Variants in GABRG3 observed in about 807,000 individuals in gnomAD.
GABRG3 encodes gamma-aminobutyric acid type A receptor subunit gamma3, also known as gamma-aminobutyric acid receptor subunit gamma-3.
Under a neutral mutation model 48.8 loss-of-function variants are expected in GABRG3, and 25 were observed. The ratio of observed to expected loss-of-function variants is 0.51; its 90% CI spans 0.37 to 0.72. GABRG3 has a LOEUF of 0.72. GABRG3 is among the 30% of genes least tolerant of loss of function. The probability of loss-of-function intolerance (pLI) is 0.00; values close to 1 mark genes in which losing one functional copy is unlikely to be tolerated. For missense variants in GABRG3, 394 were observed against 577.9 expected (o/e 0.68, Z 3.26); for synonymous variants, 227 against 217.6 (o/e 1.04, Z -0.38).
At chr15:27,437,307 C>T (rs1338421116) in intron 5 of GABRG3, among the ~76,000 whole-genome samples, 1 of 152,156 alleles carries the variant, frequency 6.6e-6, no homozygotes, top group Non-Finnish European at 1.5e-5. Flanking sequence ...AACCCCTAAA[C>T]ATGTCTCTAA....
chr15:27,433,202 C>T (rs935396573), intron 5 of GABRG3, among the ~76,000 whole-genome samples: 1 of 152,182 alleles, frequency 6.6e-6, no homozygotes, highest in Non-Finnish European at 1.5e-5. Context: ...TGCCCAAAGG[C>T]GGAACCCCAC....
At chr15:27,102,382 C>G (rs1440533955) in intron 3 of GABRG3, among the ~76,000 whole-genome samples, 2 of 152,188 alleles carry the variant, frequency 1.3e-5, no homozygotes, top group Non-Finnish European at 2.9e-5. Flanking sequence ...GCTCTAAAAA[C>G]TGATTAGGAG....
At chr15:27,510,451 C>T (rs1351295323) in intron 6 of GABRG3, among the ~76,000 whole-genome samples, 1 of 152,152 alleles carries the variant, frequency 6.6e-6, no homozygotes, top group Non-Finnish European at 1.5e-5. Context: ...TTGCCCTTCC[C>T]CCTGTGTACT....
chr15:27,112,439 T>C (rs1387195184), intron 3 of GABRG3, among the ~76,000 whole-genome samples: 7 of 117,798 alleles, frequency 5.9e-5, no homozygotes, highest in Non-Finnish European at 1.2e-4. Flanking sequence ...ACTTATTTCA[T>C]TGATTTTTTT....
intron 2 of GABRG3, among the ~76,000 whole-genome samples, chr15:27,005,806 T>C (rs1895572982): frequency 6.6e-6 from 1 of 152,116 alleles, no homozygotes; most frequent in Admixed American, 6.6e-5. Context: ...TCAAGTAGAG[T>C]CTACCCTTGG....
intron 3 of GABRG3, chr15:27,271,410 T>C (rs990448211): frequency 2.7e-6 from 1 of 372,540 alleles, no homozygotes; most frequent in African/African-American, 2.1e-5. Context: ...CGCAGGGAGC[T>C]GCGCAAGCTG....
intron 9 of GABRG3, among the ~76,000 whole-genome samples, chr15:27,532,391 T>A (rs1286981780): frequency 7.1e-6 from 1 of 141,836 alleles, no homozygotes; most frequent in Non-Finnish European, 1.5e-5. Context: ...TCTTCTTCCT[T>A]CCTTCTTGCC....
At chr15:27,449,032 G>A (rs796641168) in intron 5 of GABRG3, among the ~76,000 whole-genome samples, 13 of 152,256 alleles carry the variant, frequency 8.5e-5, no homozygotes, top group African/African-American at 3.1e-4. Context: ...CAAGAGGGGA[G>A]TAGAGTGGGT....
intron 5 of GABRG3, among the ~76,000 whole-genome samples, chr15:27,434,768 C>G (rs1888558956): frequency 6.6e-6 from 1 of 152,116 alleles, no homozygotes; most frequent in Non-Finnish European, 1.5e-5. Context: ...AGGAGCAGTG[C>G]CTCCCCTCTG....
At chr15:27,187,507 A>C (rs1205570464) in intron 3 of GABRG3, among the ~76,000 whole-genome samples, 3 of 152,148 alleles carry the variant, frequency 2.0e-5, no homozygotes, top group Non-Finnish European at 4.4e-5. Flanking sequence ...CAGTATGGCC[A>C]TTTTAATGAT....
chr15:27,152,361 CA>C (rs945791164), intron 3 of GABRG3, among the ~76,000 whole-genome samples: 129 of 152,204 alleles, frequency 8.5e-4, no homozygotes, highest in African/African-American at 2.9e-3. Context: ...CCACCAGTAC[CA>C]AAAGGTTTTG....
intron 3 of GABRG3, among the ~76,000 whole-genome samples, chr15:27,231,876 A>G (rs1889811587): frequency 6.6e-6 from 1 of 152,076 alleles, no homozygotes; most frequent in Non-Finnish European, 1.5e-5. Context: ...TAACTTAAAG[A>G]TTTTTTCTAC....
chr15:27,175,620 G>A (rs967356898), intron 3 of GABRG3, among the ~76,000 whole-genome samples: 11 of 152,122 alleles, frequency 7.2e-5, no homozygotes, highest in Admixed American at 4.6e-4. Context: ...AGGCTCTCAC[G>A]GGGACATTAC....
chr15:27,032,393 T>G (rs1273429251), intron 3 of GABRG3, among the ~76,000 whole-genome samples: 1 of 152,172 alleles, frequency 6.6e-6, no homozygotes, highest in East Asian at 1.9e-4. Context: ...CTGTTTGTAT[T>G]GCTGTAAAGG....
At position 27,541,716 on chromosome 15, in the gene GABRG3, T is replaced by TCC. The variant is rs552838595; in HGVS notation, c.*8836_*8837dup. 1.7e-4 allele frequency: 26 copies of TCC among 152,358 alleles called. No homozygotes were observed. In the East Asian group the frequency reaches 3.3e-3, roughly 19 times the overall value. 9.4% of individuals were successfully genotyped at this position (152,358 alleles called of 1,614,324 possible). A position where few individuals can be genotyped will look rare whatever the true frequency, so the allele number is the denominator to read the frequency against. The stretch of plus-strand genomic sequence containing the variant: ...CCCGCGAGGGATTGGAGGCCCTGGC[T>TCC]CCGGGCGGTCCCGAGGTCCCGCCGC... On this transcript the variant is annotated 3_prime_UTR_variant, in exon 10 of 10. Transcript: ENST00000615808.
chr15:27,365,842 G>A (rs1310469880), intron 5 of GABRG3: 1 of 152,188 alleles, frequency 6.6e-6, no homozygotes, highest in African/African-American at 2.4e-5. Context: ...TCATGCTGAA[G>A]TTTAAGCTGC....
chr15:27,530,840 A>G, intron 9 of GABRG3: 1 of 375,410 alleles, frequency 2.7e-6, no homozygotes, highest in Non-Finnish European at 5.5e-6. Flanking sequence ...CGAGTGGATG[A>G]ATGTCTGGCT....
intron 5 of GABRG3, among the ~76,000 whole-genome samples, chr15:27,355,276 C>T (rs931459217): frequency 6.6e-6 from 1 of 152,044 alleles, no homozygotes; most frequent in South Asian, 2.1e-4. Context: ...GTGTGCAACT[C>T]AACAATAAAA....
chr15:27,169,543 G>A (rs930784414), intron 3 of GABRG3, among the ~76,000 whole-genome samples: 3 of 152,118 alleles, frequency 2.0e-5, no homozygotes, highest in Non-Finnish European at 2.9e-5. Context: ...CCGTGGTGAT[G>A]GGGATGTGAT....
Sources: allele counts gnomAD v4.1 joint callset (sites outside exome capture counted in the v4.1 genomes callset), GRCh38; gene constraint gnomAD v4.1.1; transcripts MANE v1.5; gene names NCBI Gene and HGNC (gene_info 2026-07-23, HGNC 2026-07-21).